Variants in ZNF480 observed in about 807,000 individuals in gnomAD.
ZNF480 encodes the protein zinc finger protein 480.
A neutral mutation model predicts 14.4 loss-of-function variants in ZNF480; 15 were observed. That is an observed-to-expected ratio of 1.04 (90% CI 0.70 to 1.60). The LOEUF (loss-of-function observed/expected upper bound fraction) is 1.60. Among genes scored for constraint, ZNF480 ranks in the 40% most tolerant of loss-of-function variants. ZNF480 has a pLI of 0.00. For synonymous variants in ZNF480, 218 were observed against 215.5 expected, an observed-to-expected ratio of 1.01 and a Z score of -0.10; for missense variants, 593 against 629.7, an observed-to-expected ratio of 0.94 and a Z score of 0.62.
chr19:52,302,466 A>G (rs1982741798), intron 2 of ZNF480, among the ~76,000 whole-genome samples: 1 of 152,164 alleles, frequency 6.6e-6, no homozygotes, highest in African/African-American at 2.4e-5. Context: ...AATACTCTAT[A>G]TAGAGAAAAA....
At position 52,322,118 on chromosome 19, in the gene ZNF480, A is replaced by C. The variant is rs369962879; in HGVS notation, c.868A>C (p.Asn290His). 1.2e-6 allele frequency: 2 copies of C among 1,613,922 alleles called. No homozygotes were observed. Among genetic ancestry groups the C allele is most frequent in the African/African-American group, 2.7e-5 (2 of 74,942 alleles). The change falls in exon 5 of 5, where the codon AAT (asparagine) becomes CAT (histidine). Residue 290 changes from asparagine to histidine, a missense_variant. Asn to His is a moderately conservative substitution (Grantham distance 68). Transcript: ENST00000595962. ...TACCAGAGAGAAGCCGTATGAATGT[A>C]ATGAATGTGGTAAAGTCTTCAGTAA... ...IHTREKPYEC[N>H]ECGKVFSNNS...
chr19:52,318,049 C>T (rs1161154107), intron 4 of ZNF480, among the ~76,000 whole-genome samples: 4 of 151,306 alleles, frequency 2.6e-5, no homozygotes, highest in Non-Finnish European at 4.4e-5. Flanking sequence ...TTTCTTAATT[C>T]GTTATTTGTT....
chr19:52,310,806 C>G (rs186671612), intron 2 of ZNF480, among the ~76,000 whole-genome samples: 1 of 151,516 alleles, frequency 6.6e-6, no homozygotes, highest in African/African-American at 2.4e-5. Flanking sequence ...CGAGACCATC[C>G]TGGCTAACAC....
At position 52,325,414 on chromosome 19, in the gene ZNF480, T is replaced by A. The variant is rs1984052733; in HGVS notation, c.*2556T>A. On this transcript the variant is annotated 3_prime_UTR_variant, in exon 5 of 5. Coordinates refer to ENST00000595962, the MANE Select transcript of ZNF480 (RefSeq NM_144684.4). The stretch of plus-strand genomic sequence containing the variant: ...CATAGCATTCAACCCAGCATCCCAT[T>A]ACTGGGTGTATACCTAAAGGAATAT... The A allele has an allele frequency of 6.6e-6, 1 of 152,220 alleles. No individual in the cohort carries two copies. Among genetic ancestry groups the A allele is most frequent in the Admixed American group, 6.5e-5 (1 of 15,282 alleles). The allele number at this position is 152,220 out of a possible 1,614,324, so 9.4% of individuals were successfully genotyped here. A position where few individuals can be genotyped will look rare whatever the true frequency, so the allele number is the denominator to read the frequency against.
At chr19:52,314,486 A>G (rs561103379) in intron 3 of ZNF480, among the ~76,000 whole-genome samples, 32 of 151,038 alleles carry the variant, frequency 2.1e-4, no homozygotes, top group African/African-American at 7.5e-4. Flanking sequence ...AAAAAAAAAA[A>G]AAAAAAAAAA....
chr19:52,307,280 T>C (rs1220652222), intron 2 of ZNF480: 1 of 152,270 alleles, frequency 6.6e-6, no homozygotes, highest in African/African-American at 2.4e-5. Flanking sequence ...AGTGCTAACC[T>C]TTACTTTTCC....
Position 52,300,602 on chromosome 19 carries a change from A to G in ZNF480, c.72+118A>G, listed in dbSNP as rs1160085686. 67 of 1,546,452 alleles carry G rather than the reference A, an allele frequency of 4.3e-5. No homozygotes were observed. In the East Asian group the frequency reaches 1.4e-3, roughly 33 times the overall value. Reference sequence around the variant, plus strand: ...CTGCCTGACAGGTTTGCTCACGCTTACCTATGCCTTCCCTCAGTGCCGAGA... The same window carrying G: ...CTGCCTGACAGGTTTGCTCACGCTTGCCTATGCCTTCCCTCAGTGCCGAGA... On this transcript the variant is annotated intron_variant, in intron 2 of 4. Coordinates refer to ENST00000595962, the MANE Select transcript of ZNF480 (RefSeq NM_144684.4).
chr19:52,314,484 A>C (rs1288418559), intron 3 of ZNF480, among the ~76,000 whole-genome samples: 2 of 150,438 alleles, frequency 1.3e-5, no homozygotes, highest in East Asian at 3.9e-4. Context: ...AAAAAAAAAA[A>C]AAAAAAAAAA....
intron 1 of ZNF480, chr19:52,297,966 TAG>T (rs1377971435): frequency 3.3e-5 from 5 of 151,166 alleles, no homozygotes; most frequent in Admixed American, 2.6e-4. Flanking sequence ...GATGGCAAAG[TAG>T]AGAGTGGATG....
chr19:52,315,985 T>C (rs1329665864), intron 4 of ZNF480, 23 bp downstream of exon 4: 4 of 1,564,506 alleles, frequency 2.6e-6, no homozygotes, highest in Non-Finnish European at 2.6e-6. Context: ...ATGGGCATGG[T>C]GGAAGCCATG....
At chr19:52,315,340 C>CA (rs1226876238) in intron 3 of ZNF480, among the ~76,000 whole-genome samples, 1 of 150,226 alleles carries the variant, frequency 6.7e-6, no homozygotes, top group African/African-American at 2.5e-5. Flanking sequence ...TTTTTTGAGA[C>CA]AGAGTGTTTC....
At chr19:52,300,172 G>A (rs116534749) in intron 1 of ZNF480, among the ~76,000 whole-genome samples, 5,895 of 152,308 alleles carry the variant, frequency 0.039, 354 homozygotes, top group African/African-American at 0.13. Flanking sequence ...CTGCTGCAGC[G>A]TGCGTGTGGG....
intron 4 of ZNF480, among the ~76,000 whole-genome samples, chr19:52,319,267 TG>T (rs1177867378): frequency 6.6e-6 from 1 of 152,224 alleles, no homozygotes; most frequent in East Asian, 1.9e-4. Context: ...CATTTCTTGT[TG>T]GACAGGTCTA....
chr19:52,322,861 A>G lies in ZNF480; in HGVS notation c.*3A>G. The stretch of plus-strand genomic sequence containing the variant: ...ATTGGACAATTCATATGGGATAGAA[A>G]CTACAAATGCAACAAATGCGTCAAA... On this transcript the variant is annotated 3_prime_UTR_variant, in exon 5 of 5. Coordinates refer to ENST00000595962, the MANE Select transcript of ZNF480 (RefSeq NM_144684.4). 1.9e-6 allele frequency: 3 copies of G among 1,553,518 alleles called. No homozygotes were observed. Among genetic ancestry groups the G allele is most frequent in the Admixed American group, 3.8e-5 (2 of 52,558 alleles).
chr19:52,300,320 C>G lies in ZNF480; in HGVS notation c.-19-74C>G. 2.0e-6 allele frequency: 3 copies of G among 1,513,306 alleles called. No individual in the cohort carries two copies. In the South Asian group the frequency reaches 3.5e-5, roughly 18 times the overall value. 93.7% of individuals were successfully genotyped at this position (1,513,306 alleles called of 1,614,324 possible). ...ATCTTTCCGCAGGGTGAGGTCTAAC[C>G]TGTGTGTGTGATTGTGGCACAGGAA... On this transcript the variant is annotated intron_variant, in intron 1 of 4. Transcript: ENST00000595962.
intron 4 of ZNF480, among the ~76,000 whole-genome samples, chr19:52,319,296 C>T (rs182796938): frequency 6.6e-6 from 1 of 152,262 alleles, no homozygotes; most frequent in Admixed American, 6.5e-5. Flanking sequence ...AATGAACTTT[C>T]TTAGCTCTTC....
At position 52,323,053 on chromosome 19, in the gene ZNF480, A is replaced by G. The variant is rs1983923080; in HGVS notation, c.*195A>G. The stretch of plus-strand genomic sequence containing the variant: ...CACAATTATAATAAATGTGTGGAAA[A>G]GTCTTCAAAAAAATTTCACACCTTG... On this transcript the variant is annotated 3_prime_UTR_variant, in exon 5 of 5. Transcript: ENST00000595962. The G allele has an allele frequency of 2.2e-6, 1 of 460,042 alleles. No individual in the cohort carries two copies. Among genetic ancestry groups the G allele is most frequent in the Non-Finnish European group, 3.7e-6 (1 of 273,334 alleles). The allele number at this position is 460,042 out of a possible 1,614,324, so 28.5% of individuals were successfully genotyped here. A position where few individuals can be genotyped will look rare whatever the true frequency, so the allele number is the denominator to read the frequency against.
In ZNF480 at chr19:52,322,926, T is replaced by C; in HGVS notation, c.*68T>C. 7.1e-7 allele frequency: 1 copy of C among 1,417,860 alleles called. No homozygotes were observed. The highest frequency in any genetic ancestry group is 9.4e-7 in the Non-Finnish European group (1 of 1,066,664). The allele number at this position is 1,417,860 out of a possible 1,614,324, so 87.8% of individuals were successfully genotyped here. A position where few individuals can be genotyped will look rare whatever the true frequency, so the allele number is the denominator to read the frequency against. ...CTCAAGCCTTACTACCCATCTTTTA[T>C]TCCATACTGCAAAGAAATTTTGCAA... On this transcript the variant is annotated 3_prime_UTR_variant, in exon 5 of 5. Transcript: ENST00000595962.
At chr19:52,303,844 T>G (rs1486829602) in intron 2 of ZNF480, among the ~76,000 whole-genome samples, 2 of 152,218 alleles carry the variant, frequency 1.3e-5, no homozygotes, top group Non-Finnish European at 2.9e-5. Context: ...CATTCAGTGT[T>G]TTCAATTGAT....
Sources: gnomAD v4.1 joint callset for allele counts (sites outside exome capture counted in the v4.1 genomes callset) on GRCh38, gnomAD v4.1.1 for gene constraint, MANE v1.5 for transcripts, NCBI Gene and HGNC (gene_info 2026-07-23, HGNC 2026-07-21) for gene names.